The following PPP1CB variants were observed in gnomAD, a reference collection of about 807,000 sequenced individuals.
PPP1CB encodes serine/threonine-protein phosphatase PP1-beta catalytic subunit.
A neutral mutation model predicts 43.7 loss-of-function variants in PPP1CB; 2 were observed. That is an observed-to-expected ratio of 0.05 (90% confidence interval 0.02 to 0.14). The LOEUF is 0.14. Among genes scored for constraint, PPP1CB ranks in the 10% least tolerant of loss-of-function variants. The probability of loss-of-function intolerance (pLI) is 1.00; values close to 1 mark genes in which losing one functional copy is unlikely to be tolerated. For synonymous variants in PPP1CB, 136 were observed against 135.6 expected (o/e 1.00, Z -0.02); for missense variants, 84 against 398.0 (o/e 0.21, Z 6.71).
intron 3 of PPP1CB, among the ~76,000 whole-genome samples, chr2:28,780,358 T>A (rs1238662258): frequency 6.6e-6 from 1 of 152,204 alleles, no homozygotes; most frequent in Non-Finnish European, 1.5e-5. Context: ...CCCAGAGTGC[T>A]GGGATTACAG....
intron 1 of PPP1CB, among the ~76,000 whole-genome samples, chr2:28,771,482 A>T (rs557192371): frequency 3.3e-5 from 5 of 152,328 alleles, no homozygotes; most frequent in Non-Finnish European, 5.9e-5. Flanking sequence ...AGATACCGAG[A>T]CTTTATAAAA....
At chr2:28,778,777 A>G (rs754603741) in intron 2 of PPP1CB, 32 bp from the exon 3 acceptor site, 4 of 1,446,858 alleles carry the variant, frequency 2.8e-6, no homozygotes, top group Non-Finnish European at 1.9e-6. Flanking sequence ...ACAGTAACCA[A>G]TTTTTCTAAA....
chr2:28,756,253 A>G (rs1413134276), intron 1 of PPP1CB, among the ~76,000 whole-genome samples: 2 of 152,242 alleles, frequency 1.3e-5, no homozygotes, highest in East Asian at 3.8e-4. Flanking sequence ...GAGTTGTAGA[A>G]TATTAGCACT....
chr2:28,788,897 A>T, intron 6 of PPP1CB, 88 bp downstream of exon 6: 1 of 1,329,800 alleles, frequency 7.5e-7, no homozygotes, highest in Non-Finnish European at 1.0e-6. Context: ...TTGTTCTGTC[A>T]CCCAGGCTGG....
intron 5 of PPP1CB, among the ~76,000 whole-genome samples, chr2:28,784,376 A>C (rs1341496791): frequency 6.6e-6 from 1 of 152,110 alleles, no homozygotes; most frequent in African/African-American, 2.4e-5. Context: ...CTTCTTTTCA[A>C]ATGTCTAGTA....
intron 1 of PPP1CB, among the ~76,000 whole-genome samples, chr2:28,767,561 G>A (rs1475178373): frequency 6.6e-6 from 1 of 152,168 alleles, no homozygotes; most frequent in Non-Finnish European, 1.5e-5. Flanking sequence ...ACGCTGCCAG[G>A]TTGTAACTGC....
chr2:28,756,207 A>T (rs974843212), intron 1 of PPP1CB, among the ~76,000 whole-genome samples: 1 of 152,242 alleles, frequency 6.6e-6, no homozygotes, highest in African/African-American at 2.4e-5. Context: ...ATTTTTTAAC[A>T]TATTACCACG....
chr2:28,795,637 A>G lies in PPP1CB; in HGVS notation c.879+1640A>G, dbSNP rs189164978. On this transcript the variant is annotated intron_variant, in intron 7 of 7. Coordinates refer to ENST00000395366, the MANE Select transcript of PPP1CB (RefSeq NM_002709.3). The stretch of plus-strand genomic sequence containing the variant: ...AAGTGTCTGTTCATGTCCTTTGCCC[A>G]TTTTTAATGGGGTTGTTTTTTGATT... 3.2e-4 allele frequency among the ~76,000 whole-genome samples: 49 copies of G among 152,170 alleles called. No individual in the cohort carries two copies. In the East Asian group the frequency reaches 9.5e-3, roughly 29 times the overall value.
At chr2:28,769,098 G>A (rs191433242) in intron 1 of PPP1CB, among the ~76,000 whole-genome samples, 35 of 152,294 alleles carry the variant, frequency 2.3e-4, no homozygotes, top group Non-Finnish European at 1.5e-5. Flanking sequence ...GTTAAATGCT[G>A]TCAGAAGAAA....
intron 6 of PPP1CB, among the ~76,000 whole-genome samples, chr2:28,791,728 A>G (rs914616864): frequency 4.6e-5 from 7 of 152,310 alleles, no homozygotes; most frequent in African/African-American, 1.7e-4. Flanking sequence ...CCTAACTAAA[A>G]TGACCCCTGA....
intron 1 of PPP1CB, among the ~76,000 whole-genome samples, chr2:28,760,403 G>C (rs1215230630): frequency 2.0e-5 from 3 of 152,104 alleles, no homozygotes; most frequent in Admixed American, 6.6e-5. Flanking sequence ...TCTGTGTTTA[G>C]ATATGTTTAG....
intron 1 of PPP1CB, among the ~76,000 whole-genome samples, chr2:28,763,423 T>A (rs1218420452): frequency 6.6e-6 from 1 of 151,364 alleles, no homozygotes; most frequent in East Asian, 1.9e-4. Flanking sequence ...CTTGCTTTTG[T>A]ATTATCAAAG....
intron 1 of PPP1CB, among the ~76,000 whole-genome samples, chr2:28,764,736 A>T (rs186201584): frequency 6.6e-6 from 1 of 151,976 alleles, no homozygotes; most frequent in Non-Finnish European, 1.5e-5. Context: ...GCCTGGGCAC[A>T]TGGCGAAACC....
intron 1 of PPP1CB, among the ~76,000 whole-genome samples, chr2:28,767,483 T>C (rs115206570): frequency 6.6e-6 from 1 of 152,314 alleles, no homozygotes; most frequent in African/African-American, 2.4e-5. Context: ...TGCTTTGACA[T>C]GATGAGTATG....
chr2:28,754,401 A>G (rs968754378), intron 1 of PPP1CB, among the ~76,000 whole-genome samples: 3 of 151,948 alleles, frequency 2.0e-5, no homozygotes, highest in Non-Finnish European at 4.4e-5. Context: ...TAATTTAGCA[A>G]GCGTTAACAA....
In PPP1CB at chr2:28,769,134, A is replaced by G. The variant is rs115500914; in HGVS notation, c.53-7717A>G. Among the ~76,000 whole-genome samples, 318 of 152,368 alleles carry G rather than the reference A, an allele frequency of 2.1e-3. 5 individuals are homozygous for G. Among genetic ancestry groups the G allele is most frequent in the African/African-American group, 7.3e-3 (302 of 41,600 alleles). ...AAATTCATTATCTTCAGGGAACAAT[A>G]ATATGAATGATGGCTGATCTATCAC... On this transcript the variant is annotated intron_variant, in intron 1 of 7. Coordinates refer to ENST00000395366, the MANE Select transcript of PPP1CB (RefSeq NM_002709.3).
chr2:28,789,057 G>T (rs1371239370), intron 6 of PPP1CB, among the ~76,000 whole-genome samples: 1 of 152,000 alleles, frequency 6.6e-6, no homozygotes, highest in Non-Finnish European at 1.5e-5. Context: ...CTTCACATAA[G>T]CCCTCTCATT....
chr2:28,795,815 A>G (rs1667486593), intron 7 of PPP1CB, among the ~76,000 whole-genome samples: 2 of 152,142 alleles, frequency 1.3e-5, no homozygotes, highest in Admixed American at 6.6e-5. Flanking sequence ...CCACTTGTCA[A>G]TCATTGTTTT....
chr2:28,790,041 G>A (rs552640544), intron 6 of PPP1CB, among the ~76,000 whole-genome samples: 148 of 152,302 alleles, frequency 9.7e-4, no homozygotes, highest in Non-Finnish European at 1.9e-3. Context: ...AGCACTTTGG[G>A]AGGCTGAGGC....
Sources: gnomAD v4.1 joint callset for allele counts (sites outside exome capture counted in the v4.1 genomes callset) on GRCh38, gnomAD v4.1.1 for gene constraint, MANE v1.5 for transcripts, NCBI Gene and HGNC (gene_info 2026-07-23, HGNC 2026-07-21) for gene names.